The following NEBL variants were observed in gnomAD, a reference collection of about 807,000 sequenced individuals.
NEBL encodes nebulette.
NEBL carries 122 observed loss-of-function variants against 140.2 expected under a neutral mutation model. The observed-to-expected ratio is 0.87, with a 90% CI of 0.75 to 1.01. The LOEUF (loss-of-function observed/expected upper bound fraction) is 1.01, where lower values mean the gene tolerates loss of function less well. Ranked by LOEUF, NEBL falls within the 50% of genes least tolerant of loss-of-function variation. NEBL has a pLI of 0.00. For missense variants in NEBL, 1,365 were observed against 1,231.3 expected, an observed-to-expected ratio of 1.11 and a Z score of -1.62; for synonymous variants, 436 against 398.9, an observed-to-expected ratio of 1.09 and a Z score of -1.11.
rs545296113 is a variant in NEBL at position 20,896,830 on chromosome 10, C to T, written c.153+128G>A. 3.2e-5 allele frequency: 28 copies of T among 871,644 alleles called. 2 individuals carry two copies. In the South Asian group the frequency reaches 3.8e-4, roughly 12 times the overall value. The allele number at this position is 871,644 out of a possible 1,614,324, so 54.0% of individuals were successfully genotyped here. On this transcript the variant is annotated intron_variant, in intron 2 of 27. Coordinates refer to ENST00000377122, the MANE Select transcript of NEBL (RefSeq NM_006393.3). Reference sequence around the variant, plus strand: ...CACTGAAAATTTCAGGACTTTGTTCCATGATCTGGAAAGTGACTGTGTTTT... The same window carrying T: ...CACTGAAAATTTCAGGACTTTGTTCTATGATCTGGAAAGTGACTGTGTTTT...
intron 1 of NEBL, among the ~76,000 whole-genome samples, chr10:21,292,625 C>T (rs1249762369): frequency 6.6e-6 from 1 of 152,124 alleles, no homozygotes; most frequent in Non-Finnish European, 1.5e-5. Flanking sequence ...ATCCCTTGTG[C>T]CTATTCTTTT....
intron 2 of NEBL, among the ~76,000 whole-genome samples, chr10:21,132,729 G>A (rs1217547481): frequency 6.6e-6 from 1 of 152,166 alleles, no homozygotes; most frequent in East Asian, 1.9e-4. Context: ...TTTCCCTAAA[G>A]AGTGATGATA....
intron 2 of NEBL, among the ~76,000 whole-genome samples, chr10:20,895,517 TCGCAA>T (rs1847400501): frequency 6.6e-6 from 1 of 152,288 alleles, no homozygotes; most frequent in South Asian, 2.1e-4. Context: ...AGCGCCTACC[TCGCAA>T]GCTGCAATCC....
chr10:20,865,895 A>G (rs1171095982), intron 7 of NEBL, among the ~76,000 whole-genome samples: 1 of 152,112 alleles, frequency 6.6e-6, no homozygotes, highest in Non-Finnish European at 1.5e-5. Context: ...ACTGTCACAG[A>G]GTCTATTCAG....
chr10:21,280,203 C>T (rs1842975391), intron 1 of NEBL, among the ~76,000 whole-genome samples: 1 of 152,052 alleles, frequency 6.6e-6, no homozygotes, highest in South Asian at 2.1e-4. Context: ...ATGGAACCAG[C>T]ATGGGTTCCA....
chr10:21,130,549 A>G (rs1839057565), intron 2 of NEBL, among the ~76,000 whole-genome samples: 1 of 152,220 alleles, frequency 6.6e-6, no homozygotes, highest in Non-Finnish European at 1.5e-5. Flanking sequence ...GTCTTCTCTC[A>G]GATCACAATG....
rs148281822 is a variant in NEBL at position 20,978,292 on chromosome 10, A to G, written c.250-16513T>C. ...ACTGAATAGTCTAATCAGAACACCA[A>G]ATCTTTTTAGTTTTCTAAATGAAGA... On this transcript the variant is annotated intron_variant, in intron 3 of 6. Transcript: ENST00000417816. Among the ~76,000 whole-genome samples the G allele has an allele frequency of 2.0e-3, 305 of 152,218 alleles. 2 individuals are homozygous for G. Among genetic ancestry groups the G allele is most frequent in the African/African-American group, 7.1e-3 (293 of 41,540 alleles).
intron 3 of NEBL, among the ~76,000 whole-genome samples, chr10:21,005,527 G>C (rs1838102920): frequency 6.6e-6 from 1 of 152,126 alleles, no homozygotes; most frequent in African/African-American, 2.4e-5. Flanking sequence ...TTGAGCCCAA[G>C]AGTTCGAGAC....
At chr10:21,043,342 C>G (rs1242034782) in intron 2 of NEBL, among the ~76,000 whole-genome samples, 1 of 152,186 alleles carries the variant, frequency 6.6e-6, no homozygotes, top group Non-Finnish European at 1.5e-5. Flanking sequence ...AGAAGCAGCC[C>G]TGTCAGAATT....
intron 3 of NEBL, among the ~76,000 whole-genome samples, chr10:21,216,806 C>G (rs78844065): frequency 0.066 from 9,714 of 148,252 alleles, 605 homozygotes; most frequent in African/African-American, 0.16. Flanking sequence ...AGAAAAGAAA[C>G]ACGAAAACCC....
At chr10:21,208,547 T>C (rs1273980293) in intron 3 of NEBL, among the ~76,000 whole-genome samples, 1 of 152,236 alleles carries the variant, frequency 6.6e-6, no homozygotes, top group East Asian at 1.9e-4. Context: ...ACAGTTTCAG[T>C]GGCTGACACA....
At chr10:21,098,741 T>A (rs12355488) in intron 2 of NEBL, among the ~76,000 whole-genome samples, 14,171 of 152,198 alleles carry the variant, frequency 0.093, 736 homozygotes, top group Non-Finnish European at 0.12. Flanking sequence ...ACAAAAAAAA[T>A]TAAGGAAGTC....
chr10:21,052,575 T>C (rs1010259963), intron 2 of NEBL, among the ~76,000 whole-genome samples: 2 of 152,156 alleles, frequency 1.3e-5, no homozygotes, highest in African/African-American at 4.8e-5. Context: ...CTGTCACCGA[T>C]TGGTCAGCGG....
chr10:20,842,561 G>C (rs1349859272), intron 12 of NEBL, among the ~76,000 whole-genome samples: 2 of 151,952 alleles, frequency 1.3e-5, no homozygotes, highest in African/African-American at 4.8e-5. Flanking sequence ...AATTAGACAA[G>C]CTATAACTAT....
chr10:21,141,312 T>A (rs1363841533), intron 2 of NEBL, among the ~76,000 whole-genome samples: 2 of 152,220 alleles, frequency 1.3e-5, no homozygotes, highest in African/African-American at 4.8e-5. Context: ...TGTAAGGGAA[T>A]GCCTTCGTTT....
chr10:20,852,248 A>G (rs1240218114), intron 10 of NEBL, among the ~76,000 whole-genome samples: 1 of 152,226 alleles, frequency 6.6e-6, no homozygotes, highest in African/African-American at 2.4e-5. Context: ...AATTTAAATC[A>G]TCATGTGGTT....
intron 1 of NEBL, among the ~76,000 whole-genome samples, chr10:21,254,445 T>A (rs1842628704): frequency 6.6e-6 from 1 of 152,002 alleles, no homozygotes; most frequent in Non-Finnish European, 1.5e-5. Flanking sequence ...GTTTATTGTC[T>A]TTTGTTTTTT....
intron 3 of NEBL, among the ~76,000 whole-genome samples, chr10:20,963,070 C>T (rs901279812): frequency 6.6e-6 from 1 of 151,120 alleles, no homozygotes; most frequent in African/African-American, 2.4e-5. Context: ...ACTCTCATCG[C>T]TTTTAGCTTA....
intron 2 of NEBL, among the ~76,000 whole-genome samples, chr10:20,896,629 T>C (rs1588970825): frequency 6.6e-6 from 1 of 151,654 alleles, no homozygotes; most frequent in Non-Finnish European, 1.5e-5. Flanking sequence ...ACAAATTACA[T>C]CATTATATTC....
Sources: gnomAD v4.1 joint callset for allele counts (sites outside exome capture counted in the v4.1 genomes callset) on GRCh38, gnomAD v4.1.1 for gene constraint, MANE v1.5 for transcripts, NCBI Gene and HGNC (gene_info 2026-07-23, HGNC 2026-07-21) for gene names.